The following AGBL5 variants were observed in gnomAD, a reference collection of about 807,000 sequenced individuals.
AGBL5 encodes AGBL carboxypeptidase 5.
A neutral mutation model predicts 88.0 loss-of-function variants in AGBL5; 51 were observed. The ratio of observed to expected loss-of-function variants is 0.58; its 90% CI spans 0.46 to 0.73. AGBL5 has a LOEUF of 0.73. AGBL5 is among the 30% of genes least tolerant of loss of function. AGBL5 has a pLI of 0.00. For synonymous variants in AGBL5, 446 were observed against 438.8 expected, an observed-to-expected ratio of 1.02 and a Z score of -0.21; for missense variants, 1,031 against 1,162.2, an observed-to-expected ratio of 0.89 and a Z score of 1.64.
chr2:27,068,986 T>C (rs1263575638), intron 13 of AGBL5: 4 of 1,464,494 alleles, frequency 2.7e-6, no homozygotes, highest in Non-Finnish European at 3.6e-6. Context: ...TACCCCAACC[T>C]TAGCCTGCTA....
intron 5 of AGBL5, 97 bp downstream of exon 5, chr2:27,054,904 A>G: frequency 4.0e-6 from 6 of 1,518,622 alleles, no homozygotes; most frequent in Non-Finnish European, 5.3e-6. Flanking sequence ...CATCTTGGAC[A>G]TGGCCTCCGC....
chr2:27,056,314 C>T (rs1175388465), intron 7 of AGBL5, 176 bp downstream of exon 7: 29 of 660,386 alleles, frequency 4.4e-5, no homozygotes, highest in Non-Finnish European at 7.1e-5. Context: ...GGGATAATGT[C>T]TCAATTGTTA....
At position 27,053,468 on chromosome 2, in the gene AGBL5, C is replaced by T. The variant is rs1278394047; in HGVS notation, c.282C>T (p.Asn94=). The T allele has an allele frequency of 1.2e-6, 2 of 1,614,108 alleles. No individual in the cohort carries two copies. Among genetic ancestry groups the T allele is most frequent in the Admixed American group, 3.3e-5 (2 of 60,020 alleles). Residue 94 remains asparagine (N), a synonymous_variant, in exon 3 of 15, where the codon AAC becomes AAT. Transcript: ENST00000360131. This position sits in a 1 kb window ranked among gnomAD's most constrained non-coding sequence, Gnocchi z 4.9. ...PGKLIKINIM[N]MNKQSKLYSQ... is the part of the protein sequence containing the mutation. ...AACTCATCAAGATCAACATTATGAA[C>T]ATGAACAAGCAGAGCAAGCTGTATT...
chr2:27,050,627 T>C (rs752535020), upstream of AGBL5, among the ~76,000 whole-genome samples: 9 of 152,352 alleles, frequency 5.9e-5, no homozygotes, highest in Non-Finnish European at 1.2e-4. Context: ...CAGCTTCTTT[T>C]CCTTGCCTTT....
chr2:27,068,823 A>G, intron 13 of AGBL5, 79 bp downstream of exon 13: 1 of 1,576,040 alleles, frequency 6.3e-7, no homozygotes, highest in African/African-American at 1.3e-5. Flanking sequence ...TGGGAGGGAA[A>G]ATGCTCAGCA....
chr2:27,052,743 C>G (rs1479301065), intron 1 of AGBL5, among the ~76,000 whole-genome samples, 170 bp from the exon 2 acceptor site: 1 of 152,214 alleles, frequency 6.6e-6, no homozygotes, highest in Admixed American at 6.5e-5. Context: ...CAGAATGCTG[C>G]TTTCTCTTGG....
chr2:27,056,543 TG>T, intron 7 of AGBL5, 79 bp from the exon 8 acceptor site: 1 of 1,289,430 alleles, frequency 7.8e-7, no homozygotes. Flanking sequence ...TTAAGTCACA[TG>T]GTCACATACT....
At chr2:27,059,538 TG>T in intron 11 of AGBL5, 134 bp downstream of exon 11, 2 of 1,526,416 alleles carry the variant, frequency 1.3e-6, no homozygotes, top group Non-Finnish European at 1.8e-6. Flanking sequence ...TAGCAGAACC[TG>T]TGGCCTCTCC....
rs1668303849 is a variant in AGBL5, at chr2:27,053,963, T to A, written c.455T>A (p.Phe152Tyr). 6.2e-7 allele frequency: 1 copy of A among 1,614,202 alleles called. No individual in the cohort carries two copies. Among genetic ancestry groups the A allele is most frequent in the Non-Finnish European group, 8.5e-7 (1 of 1,180,034 alleles). The change falls in exon 4 of 15, where the codon TTC becomes TAC. Residue 152 changes from phenylalanine (F) to tyrosine (Y), a missense_variant. Around this residue, in one of 2 missense-constraint regions of AGBL5, gnomAD observed 540 missense variants for 678.2 expected, o/e 0.80. Transcript: ENST00000360131. The surrounding 1 kb of genome is among the most constrained non-coding windows in gnomAD (Gnocchi z 4.9). ...GTGGAGGGCCGTGGGGCCACCACCT[T>A]CTTCGCCTTCTGCTACCCCTTCTCC... Reference protein sequence around the residue: ...RFVEGRGATTFFAFCYPFSYS... With the variant: ...RFVEGRGATTYFAFCYPFSYS...
At chr2:27,066,355 G>A (rs1180088015) in intron 11 of AGBL5, among the ~76,000 whole-genome samples, 1 of 152,104 alleles carries the variant, frequency 6.6e-6, no homozygotes, top group Non-Finnish European at 1.5e-5. Context: ...TAGCAGTTGG[G>A]TTTTGCATGA....
At chr2:27,069,220 C>G (rs1669148492) in intron 13 of AGBL5, 2 of 1,348,674 alleles carry the variant, frequency 1.5e-6, no homozygotes, top group Non-Finnish European at 1.9e-6. Flanking sequence ...GTACACTGCT[C>G]TGGCAGGGGC....
intron 13 of AGBL5, chr2:27,069,253 G>A: frequency 2.0e-6 from 2 of 985,380 alleles, no homozygotes; most frequent in Non-Finnish European, 2.4e-6. Flanking sequence ...GGCTCTGAGA[G>A]AGGTCTACCA....
rs181167705 is a variant in AGBL5 at position 27,057,792 on chromosome 2, C to T, written c.1671+354C>T. 3.1e-3 allele frequency among the ~76,000 whole-genome samples: 478 copies of T among 152,290 alleles called. 6 individuals carry two copies. Among genetic ancestry groups the T allele is most frequent in the South Asian group, 0.015 (74 of 4,824 alleles). On this transcript the variant is annotated intron_variant, in intron 9 of 14. Transcript: ENST00000360131. ...ATTCCCATTATCCTAATAGAAAGAG[C>T]TGGCCAGGTGCGGTGGCTCATGCCT...
intron 12 of AGBL5, 136 bp from the exon 13 acceptor site, chr2:27,068,496 C>A: frequency 1.5e-6 from 1 of 684,668 alleles, no homozygotes; most frequent in Non-Finnish European, 2.5e-6. Flanking sequence ...TCCTACAATG[C>A]ACAAGACTAC....
Position 27,053,637 on chromosome 2 carries a change from T to G in AGBL5, c.387+64T>G. On this transcript the variant is annotated intron_variant, in intron 3 of 14. Transcript: ENST00000360131. The surrounding 1 kb of genome is among the most constrained non-coding windows in gnomAD (Gnocchi z 4.9). ...TAAAAGTAGAGAGGAAAGTAAAGCGTTTTTTTTTCCTTGATACAAGTATGA... is the reference window on the plus strand; with the variant it reads ...TAAAAGTAGAGAGGAAAGTAAAGCGGTTTTTTTTCCTTGATACAAGTATGA... 2 of 1,529,878 alleles carry G rather than the reference T, an allele frequency of 1.3e-6. No individual in the cohort carries two copies. The highest frequency in any genetic ancestry group is 1.8e-6 in the Non-Finnish European group (2 of 1,141,124). 94.8% of individuals were successfully genotyped at this position (1,529,878 alleles called of 1,614,324 possible). A position where few individuals can be genotyped will look rare whatever the true frequency, so the allele number is the denominator to read the frequency against.
intron 9 of AGBL5, among the ~76,000 whole-genome samples, 166 bp downstream of exon 9, chr2:27,057,604 A>G (rs932234022): frequency 6.6e-6 from 1 of 152,242 alleles, no homozygotes; most frequent in Admixed American, 6.5e-5. Context: ...CTACAACTGT[A>G]ATAGTATTGA....
At chr2:27,064,562 A>G (rs1347029800) in intron 11 of AGBL5, among the ~76,000 whole-genome samples, 1 of 151,778 alleles carries the variant, frequency 6.6e-6, no homozygotes, top group African/African-American at 2.4e-5. Context: ...TCAGCCTCCC[A>G]AGGCACATGA....
intron 12 of AGBL5, chr2:27,067,967 G>A: frequency 7.2e-6 from 3 of 414,866 alleles, no homozygotes; most frequent in South Asian, 6.4e-5. Context: ...CAGGAGCTGG[G>A]CAACACTAGA....
At chr2:27,051,215 G>C (rs987627340), upstream of AGBL5, among the ~76,000 whole-genome samples, 2 of 152,202 alleles carry the variant, frequency 1.3e-5, no homozygotes, top group Admixed American at 6.5e-5. Context: ...GCAGCAGGCG[G>C]GGGATTAGCT....
Sources: allele counts gnomAD v4.1 joint callset (sites outside exome capture counted in the v4.1 genomes callset), GRCh38; gene constraint gnomAD v4.1.1; regional missense constraint gnomAD v4.1.1; non-coding constraint Gnocchi (gnomAD v3.1); transcripts MANE v1.5; gene names NCBI Gene and HGNC (gene_info 2026-07-23, HGNC 2026-07-21).